Variants in ZNF546 observed in about 807,000 individuals in gnomAD.
ZNF546 encodes zinc finger protein 546.
Under a neutral mutation model 76.2 loss-of-function variants are expected in ZNF546, and 60 were observed. The ratio of observed to expected loss-of-function variants is 0.79; its 90% CI spans 0.64 to 0.98. The LOEUF is 0.98. ZNF546 is among the 50% of genes least tolerant of loss of function. The pLI is 0.00. For synonymous variants in ZNF546, 277 were observed against 328.1 expected (o/e 0.84, Z 1.68); for missense variants, 936 against 1,035.6 (o/e 0.90, Z 1.32).
At chr19:39,998,146 C>A in intron 2 of ZNF546, 102 bp from the exon 3 acceptor site, 1 of 570,714 alleles carries the variant, frequency 1.8e-6, no homozygotes, top group Admixed American at 3.0e-5. Context: ...TCATTTGATT[C>A]AATCTAAAAA....
At chr19:39,997,667 C>T (rs1163768678) in intron 1 of ZNF546, among the ~76,000 whole-genome samples, 194 bp from the exon 2 acceptor site, 3 of 152,170 alleles carry the variant, frequency 2.0e-5, no homozygotes, top group Admixed American at 2.0e-4. Context: ...CACTGCATTC[C>T]CATACCTTTG....
In ZNF546 at chr19:40,013,987, C is replaced by T. The variant is rs752325564; in HGVS notation, c.717C>T (p.His239=). The change falls in exon 7 of 7, where the codon CAC becomes CAT. Residue 239 remains histidine (H), a synonymous_variant. Transcript: ENST00000347077. The part of the protein sequence containing the change: ...QSYLIQHLRI[H]TGERPYKCME... ...ACCTTATTCAACATCTGAGAATTCACACTGGTGAGAGACCCTATAAATGTA... is the reference window on the plus strand; with the variant it reads ...ACCTTATTCAACATCTGAGAATTCATACTGGTGAGAGACCCTATAAATGTA... 6.2e-7 allele frequency: 1 copy of T among 1,612,862 alleles called. No individual in the cohort carries two copies. The highest frequency in any genetic ancestry group is 1.7e-5 in the Admixed American group (1 of 59,878).
rs1046102038 is a variant in ZNF546, at chr19:39,997,114, C to A, written c.-178C>A. ...CATTGCGTTCTTAACGGTTCAGTCA[C>A]CTTAACCGTTATTATTCACTTGCGG... On this transcript the variant is annotated 5_prime_UTR_variant, in exon 1 of 7. Transcript: ENST00000347077. 2.0e-5 allele frequency: 3 copies of A among 152,370 alleles called. No individual in the cohort carries two copies. Among genetic ancestry groups the A allele is most frequent in the African/African-American group, 7.2e-5 (3 of 41,474 alleles). The allele number at this position is 152,370 out of a possible 1,614,324, so 9.4% of individuals were successfully genotyped here.
At chr19:40,010,394 T>A (rs1599742784) in intron 6 of ZNF546, among the ~76,000 whole-genome samples, 1 of 146,210 alleles carries the variant, frequency 6.8e-6, no homozygotes, top group Non-Finnish European at 1.5e-5. Context: ...CAGACCAAGA[T>A]AATGTCTGAA....
At chr19:40,010,992 T>G (rs920672577) in intron 6 of ZNF546, among the ~76,000 whole-genome samples, 2 of 152,170 alleles carry the variant, frequency 1.3e-5, no homozygotes, top group Non-Finnish European at 2.9e-5. Flanking sequence ...CTGCCCATTT[T>G]CTAATTGCAT....
chr19:40,012,816 C>CTTTT (rs879507609), intron 6 of ZNF546, among the ~76,000 whole-genome samples: 2 of 141,572 alleles, frequency 1.4e-5, no homozygotes, highest in Non-Finnish European at 1.6e-5. Context: ...TTTTACCATT[C>CTTTT]TTTTTTTTTT....
At chr19:40,004,094 TATATAA>T (rs1322383551) in intron 3 of ZNF546, among the ~76,000 whole-genome samples, 3 of 143,040 alleles carry the variant, frequency 2.1e-5, no homozygotes, top group Admixed American at 7.0e-5. Flanking sequence ...ACTATATTAA[TATATAA>T]ATATATATTA....
rs772693192 is a variant in ZNF546, at chr19:40,014,215, C to T, written c.945C>T (p.Asp315=). ...GGAAAGCCTTTAGTCGTGTTAGAGA[C>T]CTTAGAGTACATCAGACAATTCATG... ...ECGKAFSRVR[D]LRVHQTIHAG... is the part of the protein sequence containing the mutation. The change falls in exon 7 of 7, where the codon GAC becomes GAT. Residue 315 remains aspartate, a synonymous_variant. Transcript: ENST00000347077. 2 of 1,612,976 alleles carry T rather than the reference C, an allele frequency of 1.2e-6. No homozygotes were observed. The highest frequency in any genetic ancestry group is 1.7e-5 in the Admixed American group (1 of 59,954).
chr19:40,010,858 T>A (rs1279227307), intron 6 of ZNF546, among the ~76,000 whole-genome samples: 1 of 152,056 alleles, frequency 6.6e-6, no homozygotes, highest in Non-Finnish European at 1.5e-5. Context: ...AATTTTTGTA[T>A]TTTTAGTAGA....
At chr19:40,002,626 C>G (rs1046385592) in intron 3 of ZNF546, among the ~76,000 whole-genome samples, 3 of 152,142 alleles carry the variant, frequency 2.0e-5, no homozygotes, top group East Asian at 3.8e-4. Flanking sequence ...TCTATGTTTT[C>G]CAGTGTGGTA....
intron 1 of ZNF546, 170 bp downstream of exon 1, chr19:39,997,327 A>ATG (rs1401893134): frequency 2.0e-5 from 3 of 152,766 alleles, no homozygotes; most frequent in Admixed American, 1.3e-4. Flanking sequence ...CAGACGGTGT[A>ATG]TGTGTGTGTG....
intron 6 of ZNF546, among the ~76,000 whole-genome samples, chr19:40,010,878 T>G (rs1971662244): frequency 6.6e-6 from 1 of 152,064 alleles, no homozygotes; most frequent in South Asian, 2.1e-4. Context: ...AGATGGGGTT[T>G]CACCACATTG....
In ZNF546 at chr19:40,015,036, T is replaced by C. The variant is rs757192690; in HGVS notation, c.1766T>C (p.Ile589Thr). The C allele has an allele frequency of 1.2e-6, 2 of 1,613,312 alleles. No individual in the cohort carries two copies. The highest frequency in any genetic ancestry group is 2.2e-5 in the South Asian group (2 of 91,022). The stretch of plus-strand genomic sequence containing the variant: ...TACATATGTAAAGAATGTGGGAAGA[T>C]TTTTAGTCGTCGCTATAATCTTACT... ...STYICKECGK[I>T]FSRRYNLTQH... The change falls in exon 7 of 7, where the codon ATT becomes ACT. Residue 589 changes from isoleucine (I) to threonine (T), a missense_variant. Ile to Thr is a moderately conservative substitution (Grantham distance 89, BLOSUM62 -1). Coordinates refer to ENST00000347077, the MANE Select transcript of ZNF546 (RefSeq NM_178544.5).
At position 40,012,125 on chromosome 19, in the gene ZNF546, A is replaced by G. The variant is rs193216362; in HGVS notation, c.395-1540A>G. Reference sequence around the variant, plus strand: ...TTTGAGGATCTGTGAATGAGTAATGATAAAACAACTGATGCTCACCAAATA... The same window carrying G: ...TTTGAGGATCTGTGAATGAGTAATGGTAAAACAACTGATGCTCACCAAATA... On this transcript the variant is annotated intron_variant, in intron 6 of 6. Coordinates refer to ENST00000347077, the MANE Select transcript of ZNF546 (RefSeq NM_178544.5). 1.5e-4 allele frequency among the ~76,000 whole-genome samples: 20 copies of G among 132,092 alleles called. No homozygotes were observed. In the East Asian group the frequency reaches 1.6e-3, roughly 11 times the overall value. 86.7% of individuals were successfully genotyped at this position (132,092 alleles called of 152,430 possible).
chr19:40,009,243 A>C (rs1018544619), intron 6 of ZNF546, among the ~76,000 whole-genome samples: 3 of 152,230 alleles, frequency 2.0e-5, no homozygotes, highest in Non-Finnish European at 4.4e-5. Context: ...CTGCAAGTGC[A>C]AAGGTTCTGA....
chr19:40,013,217 A>G (rs1404445984), intron 6 of ZNF546, among the ~76,000 whole-genome samples: 1 of 152,240 alleles, frequency 6.6e-6, no homozygotes, highest in East Asian at 1.9e-4. Context: ...CCAGCAAACT[A>G]TAGCCCATGA....
At chr19:40,000,259 T>G (rs1255692368) in intron 3 of ZNF546, among the ~76,000 whole-genome samples, 1 of 152,188 alleles carries the variant, frequency 6.6e-6, no homozygotes, top group Non-Finnish European at 1.5e-5. Context: ...AGCAATACTC[T>G]TATCTTGGTT....
In ZNF546 at chr19:40,000,160, A is replaced by T. The variant is rs559741310; in HGVS notation, c.84+1750A>T. ...TTAGGGTTATATAAACCAATCAAGG[A>T]TAATTAATATGACATAATTTATCAA... On this transcript the variant is annotated intron_variant, in intron 3 of 6. Transcript: ENST00000347077. Among the ~76,000 whole-genome samples, 14 of 152,232 alleles carry T rather than the reference A, an allele frequency of 9.2e-5. 1 individual carries two copies. Among genetic ancestry groups the T allele is most frequent in the Non-Finnish European group, 2.1e-4 (14 of 68,046 alleles).
At chr19:40,000,521 G>C (rs1236632800) in intron 3 of ZNF546, among the ~76,000 whole-genome samples, 1 of 151,100 alleles carries the variant, frequency 6.6e-6, no homozygotes. Context: ...TGCTTGGGAG[G>C]CTGAGGCAGA....
Sources: allele counts gnomAD v4.1 joint callset (sites outside exome capture counted in the v4.1 genomes callset), GRCh38; gene constraint gnomAD v4.1.1; transcripts MANE v1.5; gene names NCBI Gene and HGNC (gene_info 2026-07-23, HGNC 2026-07-21).